Variants in DAB1 observed in about 807,000 individuals in gnomAD.
DAB1 encodes DAB adaptor protein 1.
In DAB1, 15 loss-of-function variants were observed where a neutral mutation model predicts 64.6. The ratio of observed to expected loss-of-function variants is 0.23; its 90% CI spans 0.16 to 0.36. The LOEUF is 0.36. DAB1 is among the 10% of genes least tolerant of loss of function. The pLI is 1.00. For synonymous variants in DAB1, 235 were observed against 251.9 expected (o/e 0.93, Z 0.64); for missense variants, 596 against 706.7 (o/e 0.84, Z 1.78).
chr1:57,912,763 A>G (rs1644666064), intron 5 of DAB1, among the ~76,000 whole-genome samples: 2 of 152,236 alleles, frequency 1.3e-5, no homozygotes, highest in African/African-American at 2.4e-5. Flanking sequence ...TACAAAATCA[A>G]TGTGCAAAAA....
At chr1:58,098,662 G>T (rs960051660) in intron 5 of DAB1, among the ~76,000 whole-genome samples, 2 of 152,174 alleles carry the variant, frequency 1.3e-5, no homozygotes, top group African/African-American at 4.8e-5. Context: ...ATGTTAAAAT[G>T]CAGTAATTAG....
intron 3 of DAB1, among the ~76,000 whole-genome samples, chr1:58,488,301 T>C (rs1229320907): frequency 6.6e-6 from 1 of 152,232 alleles, no homozygotes; most frequent in Admixed American, 6.5e-5. Flanking sequence ...GTTCTGATGA[T>C]TGGAACCATA....
chr1:58,436,314 C>A (rs1644943749), intron 3 of DAB1, among the ~76,000 whole-genome samples: 1 of 152,190 alleles, frequency 6.6e-6, no homozygotes, highest in African/African-American at 2.4e-5. Context: ...TAGAATACAT[C>A]CATTGGAGCT....
intron 5 of DAB1, among the ~76,000 whole-genome samples, chr1:58,046,235 T>C (rs1459223415): frequency 6.6e-6 from 1 of 152,200 alleles, no homozygotes; most frequent in Admixed American, 6.5e-5. Flanking sequence ...AATTCTGGAT[T>C]TTCTTAAACT....
At chr1:57,114,565 C>T (rs1374428071) in intron 4 of DAB1, among the ~76,000 whole-genome samples, 1 of 152,156 alleles carries the variant, frequency 6.6e-6, no homozygotes, top group African/African-American at 2.4e-5. Context: ...GACAAGAAGT[C>T]AATCAGGTGT....
chr1:58,025,022 A>G (rs1485407967), intron 5 of DAB1, among the ~76,000 whole-genome samples: 1 of 150,692 alleles, frequency 6.6e-6, no homozygotes, highest in Non-Finnish European at 1.5e-5. Flanking sequence ...CTATCTCTCC[A>G]CCTATCTGGC....
chr1:57,311,522 CCA>C (rs3042913), intron 1 of DAB1, among the ~76,000 whole-genome samples: 8 of 149,848 alleles, frequency 5.3e-5, no homozygotes, highest in Non-Finnish European at 8.9e-5. Context: ...CTGCCAACCA[CCA>C]CACACACACA....
chr1:57,010,567 C>T (rs1646232387), intron 14 of DAB1, 113 bp downstream of exon 14: 1 of 528,358 alleles, frequency 1.9e-6, no homozygotes, highest in Non-Finnish European at 3.4e-6. Flanking sequence ...CAATACAGCT[C>T]AGGCAAGGAG....
At chr1:57,668,011 C>T (rs1197788016) in intron 6 of DAB1, among the ~76,000 whole-genome samples, 2 of 151,642 alleles carry the variant, frequency 1.3e-5, no homozygotes, top group Non-Finnish European at 2.9e-5. Context: ...GCACATGTAT[C>T]CCAGAACTTA....
intron 4 of DAB1, among the ~76,000 whole-genome samples, chr1:57,127,931 T>C (rs1051063353): frequency 1.3e-5 from 2 of 152,060 alleles, no homozygotes; most frequent in Non-Finnish European, 2.9e-5. Flanking sequence ...CTGGATCACC[T>C]GAGGTCAGGA....
intron 3 of DAB1, among the ~76,000 whole-genome samples, chr1:58,372,857 A>G (rs1381502552): frequency 6.6e-6 from 1 of 152,154 alleles, no homozygotes; most frequent in Non-Finnish European, 1.5e-5. Context: ...TCATGATTGC[A>G]AGTTTCCTGA....
At chr1:57,937,220 A>G (rs756565124) in intron 5 of DAB1, among the ~76,000 whole-genome samples, 8 of 152,030 alleles carry the variant, frequency 5.3e-5, no homozygotes, top group Non-Finnish European at 1.2e-4. Flanking sequence ...CTGTGGGGTG[A>G]GCCAAGGAGG....
chr1:57,571,667 G>A (rs1203277893), intron 7 of DAB1, among the ~76,000 whole-genome samples: 1 of 152,192 alleles, frequency 6.6e-6, no homozygotes, highest in Non-Finnish European at 1.5e-5. Context: ...AATTTTTCAG[G>A]TGACAAAGGC....
At chr1:58,539,301 A>G (rs780943279) in intron 1 of DAB1, 14 of 815,608 alleles carry the variant, frequency 1.7e-5, no homozygotes, top group Admixed American at 4.4e-5. Context: ...TCATTTTTTC[A>G]CTTGACTACC....
chr1:58,009,512 AG>A (rs1429527142), intron 5 of DAB1, among the ~76,000 whole-genome samples: 1 of 152,196 alleles, frequency 6.6e-6, no homozygotes, highest in Non-Finnish European at 1.5e-5. Context: ...TTTAGGATAT[AG>A]GGTTAATAGA....
chr1:57,977,970 G>A (rs956544190), intron 5 of DAB1, among the ~76,000 whole-genome samples: 10 of 152,102 alleles, frequency 6.6e-5, no homozygotes, highest in Admixed American at 4.6e-4. Flanking sequence ...AATGAATATC[G>A]TGAAAATGGC....
At chr1:57,685,571 C>T (rs1206239978) in intron 6 of DAB1, among the ~76,000 whole-genome samples, 1 of 152,142 alleles carries the variant, frequency 6.6e-6, no homozygotes, top group Non-Finnish European at 1.5e-5. Flanking sequence ...TAATAGACAT[C>T]TATAGAATAC....
At chr1:58,092,267 G>T (rs1650711894) in intron 5 of DAB1, among the ~76,000 whole-genome samples, 1 of 151,480 alleles carries the variant, frequency 6.6e-6, no homozygotes, top group Admixed American at 6.6e-5. Flanking sequence ...CCCAGCAGGG[G>T]CATTGCAGCG....
At chr1:57,893,251 G>A (rs902572986) in intron 5 of DAB1, among the ~76,000 whole-genome samples, 1 of 152,076 alleles carries the variant, frequency 6.6e-6, no homozygotes, top group Non-Finnish European at 1.5e-5. Context: ...TCCTGTTCAG[G>A]AGCCTGAAAG....
Sources: allele counts gnomAD v4.1 joint callset (sites outside exome capture counted in the v4.1 genomes callset), GRCh38; gene constraint gnomAD v4.1.1; transcripts MANE v1.5; gene names NCBI Gene and HGNC (gene_info 2026-07-23, HGNC 2026-07-21).